The following FSTL5 variants were observed in gnomAD, a reference collection of about 807,000 sequenced individuals.
The protein encoded by FSTL5 is follistatin-related protein 5.
A neutral mutation model predicts 89.1 loss-of-function variants in FSTL5; 62 were observed. The observed-to-expected ratio is 0.70, with a 90% confidence interval of 0.57 to 0.86. The LOEUF (loss-of-function observed/expected upper bound fraction) is 0.86, where lower values mean the gene tolerates loss of function less well. Among genes scored for constraint, FSTL5 ranks in the 40% least tolerant of loss-of-function variants. The probability of loss-of-function intolerance (pLI) is 0.00; values close to 1 mark genes in which losing one functional copy is unlikely to be tolerated. For missense variants in FSTL5, 1,057 were observed against 1,001.6 expected, an observed-to-expected ratio of 1.06 and a Z score of -0.75; for synonymous variants, 383 against 346.2, an observed-to-expected ratio of 1.11 and a Z score of -1.18.
intron 13 of FSTL5, among the ~76,000 whole-genome samples, chr4:161,462,382 C>T (rs1304587291): frequency 1.3e-5 from 2 of 152,158 alleles, no homozygotes; most frequent in Non-Finnish European, 2.9e-5. Flanking sequence ...AGAAAACCAA[C>T]GGGCTCAAAT....
At chr4:161,412,773 C>T (rs992883071) in intron 15 of FSTL5, among the ~76,000 whole-genome samples, 1 of 152,106 alleles carries the variant, frequency 6.6e-6, no homozygotes, top group African/African-American at 2.4e-5. Context: ...ACTCCTACAA[C>T]CACCTAATCT....
chr4:161,975,677 G>A (rs181884592), intron 3 of FSTL5, among the ~76,000 whole-genome samples: 12 of 150,484 alleles, frequency 8.0e-5, no homozygotes, highest in East Asian at 2.0e-4. Context: ...TGGGTGCAGC[G>A]CACCAGCATG....
chr4:162,109,119 G>A (rs1561023776), intron 2 of FSTL5, among the ~76,000 whole-genome samples: 2 of 151,976 alleles, frequency 1.3e-5, no homozygotes, highest in East Asian at 3.9e-4. Context: ...GGACCCAGTG[G>A]GTTCATAATG....
intron 2 of FSTL5, among the ~76,000 whole-genome samples, chr4:162,087,398 C>T (rs182858019): frequency 6.6e-6 from 1 of 152,048 alleles, no homozygotes; most frequent in East Asian, 1.9e-4. Flanking sequence ...TAAATATTCT[C>T]AGTTCGTATA....
At chr4:161,574,012 C>T (rs1733124363) in intron 8 of FSTL5, among the ~76,000 whole-genome samples, 1 of 152,092 alleles carries the variant, frequency 6.6e-6, no homozygotes, top group Non-Finnish European at 1.5e-5. Context: ...TTGAAGATGT[C>T]TGCATTTATT....
intron 8 of FSTL5, among the ~76,000 whole-genome samples, chr4:161,569,792 CACACACA>C (rs751502841): frequency 1.4e-3 from 198 of 140,588 alleles, no homozygotes; most frequent in South Asian, 9.9e-3. Flanking sequence ...CACACACACA[CACACACA>C]CCCCACATTG....
intron 2 of FSTL5, among the ~76,000 whole-genome samples, chr4:162,051,544 C>A (rs1049049015): frequency 1.3e-5 from 2 of 151,410 alleles, no homozygotes. Flanking sequence ...TCCCCTGCAA[C>A]CCATTCTTTT....
At chr4:161,901,401 A>C (rs1733359273) in intron 4 of FSTL5, among the ~76,000 whole-genome samples, 2 of 152,184 alleles carry the variant, frequency 1.3e-5, no homozygotes, top group African/African-American at 4.8e-5. Flanking sequence ...AGATGAGCTG[A>C]TTCCTATCAT....
At chr4:161,922,808 G>T (rs1306056011) in intron 3 of FSTL5, among the ~76,000 whole-genome samples, 3 of 136,580 alleles carry the variant, frequency 2.2e-5, no homozygotes, top group East Asian at 2.2e-4. Flanking sequence ...ACTAGGAAAA[G>T]AAATTTAAAA....
intron 2 of FSTL5, among the ~76,000 whole-genome samples, chr4:162,071,076 C>T (rs1253035963): frequency 6.6e-6 from 1 of 151,590 alleles, no homozygotes; most frequent in African/African-American, 2.4e-5. Context: ...GAAACAAAGG[C>T]TGTATGAAAC....
chr4:161,892,872 A>T (rs1291052978), intron 4 of FSTL5, among the ~76,000 whole-genome samples: 1 of 152,108 alleles, frequency 6.6e-6, no homozygotes, highest in Non-Finnish European at 1.5e-5. Flanking sequence ...TTTAATTACA[A>T]CTATTATTCA....
chr4:162,032,700 C>T (rs1737583834), intron 3 of FSTL5: 1 of 152,118 alleles, frequency 6.6e-6, no homozygotes, highest in Non-Finnish European at 1.5e-5. Context: ...ATTGTATCAA[C>T]AATCTAGAGA....
At chr4:161,569,431 G>A (rs1053684162) in intron 8 of FSTL5, among the ~76,000 whole-genome samples, 3 of 152,114 alleles carry the variant, frequency 2.0e-5, no homozygotes, top group Non-Finnish European at 4.4e-5. Flanking sequence ...AGAAAAAAGT[G>A]TCTTATTTTA....
intron 1 of FSTL5, among the ~76,000 whole-genome samples, chr4:162,112,757 C>G (rs1032914029): frequency 5.6e-5 from 8 of 142,982 alleles, no homozygotes; most frequent in African/African-American, 2.1e-4. Flanking sequence ...TTAGCTTTCT[C>G]AAAGCTAACC....
intron 2 of FSTL5, among the ~76,000 whole-genome samples, chr4:162,061,132 G>A (rs1738704859): frequency 6.6e-6 from 1 of 151,706 alleles, no homozygotes; most frequent in African/African-American, 2.4e-5. Flanking sequence ...ATTGAATTGT[G>A]TGCCCCCCAA....
chr4:161,494,260 A>G (rs1729988985), intron 12 of FSTL5, among the ~76,000 whole-genome samples: 2 of 152,152 alleles, frequency 1.3e-5, no homozygotes, highest in Non-Finnish European at 2.9e-5. Flanking sequence ...AAAAAAAAAT[A>G]AGTGGGGAAA....
At chr4:162,065,327 G>A (rs1175860181) in intron 2 of FSTL5, among the ~76,000 whole-genome samples, 3 of 151,706 alleles carry the variant, frequency 2.0e-5, no homozygotes, top group Non-Finnish European at 2.9e-5. Context: ...CAACCAAAAT[G>A]TATAAGTAAC....
At chr4:161,825,524 C>A (rs145337851) in intron 4 of FSTL5, among the ~76,000 whole-genome samples, 153 of 152,060 alleles carry the variant, frequency 1.0e-3, no homozygotes, top group African/African-American at 3.4e-3. Context: ...CTGTCCTGGA[C>A]TCTTTTTGGT....
intron 15 of FSTL5, among the ~76,000 whole-genome samples, chr4:161,432,333 T>G (rs1732406259): frequency 6.6e-6 from 1 of 152,042 alleles, no homozygotes; most frequent in African/African-American, 2.4e-5. Flanking sequence ...ACATAAAAAT[T>G]GAACAATATG....
Sources: gnomAD v4.1 joint callset for allele counts (sites outside exome capture counted in the v4.1 genomes callset) on GRCh38, gnomAD v4.1.1 for gene constraint, MANE v1.5 for transcripts, NCBI Gene and HGNC (gene_info 2026-07-23, HGNC 2026-07-21) for gene names.